Variants in CDH4 observed in about 807,000 individuals in gnomAD.
CDH4 encodes the protein cadherin 4.
Under a neutral mutation model 86.0 loss-of-function variants are expected in CDH4, and 33 were observed. The observed-to-expected ratio is 0.38, with a 90% CI of 0.29 to 0.51. CDH4 has a LOEUF of 0.51. CDH4 is among the 20% of genes least tolerant of loss of function. The probability of loss-of-function intolerance (pLI) is 0.86; values close to 1 mark genes in which losing one functional copy is unlikely to be tolerated. For synonymous variants in CDH4, 555 were observed against 549.4 expected (o/e 1.01, Z -0.14); for missense variants, 1,114 against 1,307.4 (o/e 0.85, Z 2.28).
At chr20:61,602,943 C>G (rs1298507852) in intron 2 of CDH4, among the ~76,000 whole-genome samples, 1 of 152,190 alleles carries the variant, frequency 6.6e-6, no homozygotes, top group Non-Finnish European at 1.5e-5. Context: ...CACCTGAGGC[C>G]CCCTCCCTGG....
At chr20:61,602,018 G>A (rs1018513195) in intron 2 of CDH4, among the ~76,000 whole-genome samples, 17 of 152,234 alleles carry the variant, frequency 1.1e-4, no homozygotes, top group African/African-American at 4.1e-4. Context: ...GGACGCCAAG[G>A]TAGGGGCTGG....
chr20:61,427,708 T>A (rs1054179338), intron 2 of CDH4, among the ~76,000 whole-genome samples: 13 of 151,964 alleles, frequency 8.6e-5, no homozygotes, highest in African/African-American at 3.1e-4. Context: ...ACCCCCAATT[T>A]CGTGACAGGC....
At position 61,516,500 on chromosome 20, in the gene CDH4, T is replaced by C. The variant is rs1230286896; in HGVS notation, c.170-227063T>C. On this transcript the variant is annotated intron_variant, in intron 2 of 15. Coordinates refer to ENST00000614565, the MANE Select transcript of CDH4 (RefSeq NM_001794.5). This position sits in a 1 kb window ranked among gnomAD's most constrained non-coding sequence, Gnocchi z 4.0. ...CCAGAGGTCAAGCCAGATGTCCATG[T>C]TGGGGAGTCTAACGGCAGGTTCTCA... Among the ~76,000 whole-genome samples the C allele has an allele frequency of 6.6e-6, 1 of 152,168 alleles. No homozygotes were observed. Among genetic ancestry groups the C allele is most frequent in the African/African-American group, 2.4e-5 (1 of 41,438 alleles).
chr20:61,645,052 G>A (rs1294767456), intron 2 of CDH4, among the ~76,000 whole-genome samples: 3 of 152,204 alleles, frequency 2.0e-5, no homozygotes, highest in Admixed American at 2.0e-4. Context: ...TCATCACAAA[G>A]GCCCCACTCT....
chr20:61,439,164 T>G (rs1481508971), intron 2 of CDH4, among the ~76,000 whole-genome samples: 1 of 152,078 alleles, frequency 6.6e-6, no homozygotes, highest in Non-Finnish European at 1.5e-5. Context: ...TCTTGGTGCT[T>G]GAAGTTGTGT....
Position 61,350,020 on chromosome 20 carries a change from T to C in CDH4, c.169+95083T>C, listed in dbSNP as rs550465239. Among the ~76,000 whole-genome samples the C allele has an allele frequency of 1.6e-3, 237 of 151,258 alleles. 1 individual carries two copies. The highest frequency in any genetic ancestry group is 5.7e-3 in the African/African-American group (230 of 40,592). ...TCATGTCAGGAAGGAACTGGACACA[T>C]GTGGGCGAGGAGGCAGCCGCCCTCC... On this transcript the variant is annotated intron_variant, in intron 2 of 15. Coordinates refer to ENST00000614565, the MANE Select transcript of CDH4 (RefSeq NM_001794.5).
chr20:61,802,872 C>T (rs1220136767), intron 4 of CDH4, among the ~76,000 whole-genome samples: 1 of 152,218 alleles, frequency 6.6e-6, no homozygotes, highest in African/African-American at 2.4e-5. Flanking sequence ...CCTCCCCGTC[C>T]TCCTGGCTGC....
At chr20:61,870,350 G>C (rs914671534) in intron 6 of CDH4, among the ~76,000 whole-genome samples, 1 of 152,234 alleles carries the variant, frequency 6.6e-6, no homozygotes, top group African/African-American at 2.4e-5. Context: ...AGGGGCTGGG[G>C]CAGGGTGAGG....
intron 2 of CDH4, among the ~76,000 whole-genome samples, chr20:61,491,703 T>A (rs1314628922): frequency 1.3e-5 from 2 of 152,226 alleles, no homozygotes; most frequent in African/African-American, 4.8e-5. Context: ...ATGTTGATGC[T>A]GGTGGTATTG....
chr20:61,910,943 C>G (rs2054843942), intron 9 of CDH4, among the ~76,000 whole-genome samples: 1 of 152,194 alleles, frequency 6.6e-6, no homozygotes, highest in Non-Finnish European at 1.5e-5. Flanking sequence ...ACAGATCCCA[C>G]TGAGTAGTGA....
At chr20:61,725,905 G>A (rs553311382) in intron 2 of CDH4, among the ~76,000 whole-genome samples, 8 of 152,308 alleles carry the variant, frequency 5.3e-5, no homozygotes, top group East Asian at 1.9e-4. Context: ...GGAGGCTTGC[G>A]GCTCTAGAAA....
chr20:61,647,522 A>ATTCTCTC (rs2087073553), intron 2 of CDH4, among the ~76,000 whole-genome samples: 1 of 65,160 alleles, frequency 1.5e-5, no homozygotes, highest in Non-Finnish European at 4.0e-5. Context: ...ATGCACACAC[A>ATTCTCTC]TATTCTCTCT....
At chr20:61,507,110 T>C (rs1269015351) in intron 2 of CDH4, among the ~76,000 whole-genome samples, 2 of 152,244 alleles carry the variant, frequency 1.3e-5, no homozygotes, top group African/African-American at 2.4e-5. Context: ...TGAGATTGTT[T>C]AGCAGAATGT....
At chr20:61,628,187 C>T (rs564457435) in intron 2 of CDH4, among the ~76,000 whole-genome samples, 5 of 152,200 alleles carry the variant, frequency 3.3e-5, no homozygotes, top group Non-Finnish European at 7.3e-5. Flanking sequence ...TTCACATGTG[C>T]GGTTTCCCCT....
At chr20:61,787,592 T>G (rs1978952266) in intron 4 of CDH4, among the ~76,000 whole-genome samples, 2 of 152,246 alleles carry the variant, frequency 1.3e-5, no homozygotes, top group South Asian at 2.1e-4. Flanking sequence ...CCAGGTGTGC[T>G]GTTGTGGGTA....
At chr20:61,261,835 G>A (rs1029709875) in intron 2 of CDH4, among the ~76,000 whole-genome samples, 3 of 152,200 alleles carry the variant, frequency 2.0e-5, no homozygotes, top group African/African-American at 2.4e-5. Context: ...TCATGTATAA[G>A]GCTCAACTGA....
intron 2 of CDH4, among the ~76,000 whole-genome samples, chr20:61,670,095 A>G (rs765961274): frequency 6.6e-6 from 1 of 152,194 alleles, no homozygotes; most frequent in African/African-American, 2.4e-5. Flanking sequence ...GGCATTTCCA[A>G]TTGCAGGCAA....
intron 4 of CDH4, among the ~76,000 whole-genome samples, chr20:61,837,792 C>T (rs999309526): frequency 2.0e-5 from 3 of 152,072 alleles, no homozygotes; most frequent in African/African-American, 7.2e-5. Context: ...CTCCACAATC[C>T]GCCCCAGCCT....
At chr20:61,934,516 GAGGCGCCAGTAGCAAGCAC>G (rs2055155721) in intron 15 of CDH4, among the ~76,000 whole-genome samples, 1 of 152,256 alleles carries the variant, frequency 6.6e-6, no homozygotes, top group Admixed American at 6.5e-5. Context: ...GTTTGCAGCA[GAGGCGCCAGTAGCAAGCAC>G]AGGCCTCAGG....
Sources: gnomAD v4.1 joint callset for allele counts (sites outside exome capture counted in the v4.1 genomes callset) on GRCh38, gnomAD v4.1.1 for gene constraint, Gnocchi (gnomAD v3.1) non-coding constraint, MANE v1.5 for transcripts, NCBI Gene and HGNC (gene_info 2026-07-23, HGNC 2026-07-21) for gene names.